Variants in EPHB1 observed in about 807,000 individuals in gnomAD.
EPHB1 encodes ephrin type-B receptor 1.
Under a neutral mutation model 94.4 loss-of-function variants are expected in EPHB1, and 30 were observed. The observed-to-expected ratio is 0.32, with a 90% CI of 0.24 to 0.43. The LOEUF is 0.43. Among genes scored for constraint, EPHB1 ranks in the 20% least tolerant of loss-of-function variants. The probability of loss-of-function intolerance (pLI) is 1.00; values close to 1 mark genes in which losing one functional copy is unlikely to be tolerated. For synonymous variants in EPHB1, 522 were observed against 489.1 expected (o/e 1.07, Z -0.89); for missense variants, 1,055 against 1,308.3 (o/e 0.81, Z 2.99).
intron 3 of EPHB1, among the ~76,000 whole-genome samples, chr3:135,079,484 C>A (rs1190557159): frequency 6.6e-6 from 1 of 152,194 alleles, no homozygotes; most frequent in Non-Finnish European, 1.5e-5. Flanking sequence ...GCTGTTGCTG[C>A]CACAGATCCC....
At chr3:134,901,661 GA>G (rs780227093) in intron 1 of EPHB1, among the ~76,000 whole-genome samples, 8 of 152,352 alleles carry the variant, frequency 5.3e-5, no homozygotes, top group Middle Eastern at 3.4e-3. Flanking sequence ...TCATCCAGGG[GA>G]AAGGAATGGT....
intron 3 of EPHB1, among the ~76,000 whole-genome samples, chr3:134,979,408 A>C (rs1934321424): frequency 6.6e-6 from 1 of 152,158 alleles, no homozygotes; most frequent in Admixed American, 6.5e-5. Context: ...GTGCCTGTGT[A>C]TGTTTGTGTA....
rs535744112 is a variant in EPHB1 at position 134,994,164 on chromosome 3, A to G, written c.805+42112A>G. Among the ~76,000 whole-genome samples, 169 of 152,290 alleles carry G rather than the reference A, an allele frequency of 1.1e-3. 1 individual carries two copies. Among genetic ancestry groups the G allele is most frequent in the Non-Finnish European group, 7.3e-5 (5 of 68,034 alleles). Reference sequence around the variant, plus strand: ...TCTTTGTGGGGTGGAGTGGGAAAGGATGTTTATCATTTTATTTATTGTTTT... The same window carrying G: ...TCTTTGTGGGGTGGAGTGGGAAAGGGTGTTTATCATTTTATTTATTGTTTT... On this transcript the variant is annotated intron_variant, in intron 3 of 15. Transcript: ENST00000398015.
chr3:134,867,255 T>C (rs1295927053), intron 1 of EPHB1, among the ~76,000 whole-genome samples: 2 of 152,222 alleles, frequency 1.3e-5, no homozygotes, highest in Non-Finnish European at 2.9e-5. Flanking sequence ...TCAAAAACAC[T>C]ATGTGTGGAT....
intron 2 of EPHB1, among the ~76,000 whole-genome samples, chr3:134,938,105 G>C (rs2039044380): frequency 6.6e-6 from 1 of 152,104 alleles, no homozygotes; most frequent in African/African-American, 2.4e-5. Flanking sequence ...CAGAGACAGA[G>C]AGAAACAGTG....
Position 134,957,697 on chromosome 3 carries a change from C to T in EPHB1, c.805+5645C>T, listed in dbSNP as rs561917937. ...AACAAACATCCCTGCAGCTAGCCAG[C>T]ACCAGCTGGGTCCCTAGGTACTGTC... On this transcript the variant is annotated intron_variant, in intron 3 of 15. Coordinates refer to ENST00000398015, the MANE Select transcript of EPHB1 (RefSeq NM_004441.5). Among the ~76,000 whole-genome samples, 91 of 152,294 alleles carry T rather than the reference C, an allele frequency of 6.0e-4. No homozygotes were observed. The Middle Eastern group carries it at 0.01, about 17-fold the overall frequency.
At chr3:134,807,524 T>TGTGTGTGTGC (rs57008366) in intron 1 of EPHB1, among the ~76,000 whole-genome samples, 1 of 130,316 alleles carries the variant, frequency 7.7e-6, no homozygotes, top group African/African-American at 3.0e-5. Context: ...TGTGTGTGTG[T>TGTGTGTGTGC]GCACGTGTGT....
chr3:134,948,220 G>A (rs1267942594), intron 2 of EPHB1, among the ~76,000 whole-genome samples: 1 of 152,014 alleles, frequency 6.6e-6, no homozygotes, highest in Non-Finnish European at 1.5e-5. Context: ...CACTCTAAAT[G>A]GGGTCACATG....
intron 3 of EPHB1, among the ~76,000 whole-genome samples, chr3:135,083,931 G>C (rs1196728051): frequency 6.6e-6 from 1 of 152,088 alleles, no homozygotes; most frequent in Non-Finnish European, 1.5e-5. Flanking sequence ...CCCTTCCCAG[G>C]AGCAGGTGAT....
intron 12 of EPHB1, among the ~76,000 whole-genome samples, chr3:135,226,142 G>C (rs192817125): frequency 1.3e-5 from 2 of 152,338 alleles, no homozygotes; most frequent in Admixed American, 1.3e-4. Flanking sequence ...AATGAGGATT[G>C]GGGACAGCTG....
chr3:135,259,210 A>G lies in EPHB1; in HGVS notation c.*90A>G, dbSNP rs951567752. ...GACCACTGTGGAATGTACTGGAGAGACTGGCTTCTCAGCTGAGGAATGCAT... is the reference window on the plus strand; with the variant it reads ...GACCACTGTGGAATGTACTGGAGAGGCTGGCTTCTCAGCTGAGGAATGCAT... On this transcript the variant is annotated 3_prime_UTR_variant, in exon 16 of 16. Coordinates refer to ENST00000398015, the MANE Select transcript of EPHB1 (RefSeq NM_004441.5). 5 of 996,010 alleles carry G rather than the reference A, an allele frequency of 5.0e-6. No homozygotes were observed. Among genetic ancestry groups the G allele is most frequent in the Non-Finnish European group, 7.5e-6 (5 of 668,212 alleles). 61.7% of individuals were successfully genotyped at this position (996,010 alleles called of 1,614,324 possible). A position where few individuals can be genotyped will look rare whatever the true frequency, so the allele number is the denominator to read the frequency against.
chr3:135,038,704 C>G (rs1179908097), intron 3 of EPHB1, among the ~76,000 whole-genome samples: 2 of 152,108 alleles, frequency 1.3e-5, no homozygotes, highest in Non-Finnish European at 2.9e-5. Context: ...GGTTCGTGGT[C>G]TCGCTGGCTC....
intron 10 of EPHB1, among the ~76,000 whole-genome samples, chr3:135,182,947 G>C (rs1041648118): frequency 5.3e-5 from 8 of 151,202 alleles, no homozygotes; most frequent in Non-Finnish European, 1.0e-4. Context: ...CCTGCCCTCT[G>C]TTTGTTCTTT....
At chr3:134,886,824 A>G (rs1156726057) in intron 1 of EPHB1, among the ~76,000 whole-genome samples, 1 of 152,150 alleles carries the variant, frequency 6.6e-6, no homozygotes, top group Non-Finnish European at 1.5e-5. Context: ...TTTCGTATCC[A>G]AAGTCACACA....
intron 3 of EPHB1, among the ~76,000 whole-genome samples, chr3:134,970,189 T>A (rs952503297): frequency 1.3e-5 from 2 of 152,238 alleles, no homozygotes; most frequent in African/African-American, 4.8e-5. Flanking sequence ...GTTCAATAAT[T>A]CTTTGCCTAA....
intron 1 of EPHB1, among the ~76,000 whole-genome samples, chr3:134,828,782 G>A (rs968422951): frequency 9.2e-5 from 14 of 152,218 alleles, no homozygotes; most frequent in African/African-American, 2.9e-4. Flanking sequence ...TCCTGGGCAT[G>A]TATGGGCACC....
intron 1 of EPHB1, among the ~76,000 whole-genome samples, chr3:134,853,460 GGA>G (rs747085769): frequency 1.3e-5 from 2 of 152,212 alleles, no homozygotes; most frequent in Non-Finnish European, 2.9e-5. Context: ...GCAGGAAGAA[GGA>G]GAGAGAGAGT....
At chr3:135,089,149 A>G (rs572550442) in intron 3 of EPHB1, among the ~76,000 whole-genome samples, 1 of 152,332 alleles carries the variant, frequency 6.6e-6, no homozygotes, top group African/African-American at 2.4e-5. Flanking sequence ...GTTATACACA[A>G]TAGTTTTTGT....
In EPHB1 at chr3:134,991,380, C is replaced by T. The variant is rs187469335; in HGVS notation, c.805+39328C>T. Among the ~76,000 whole-genome samples the T allele has an allele frequency of 9.1e-4, 139 of 152,296 alleles. 3 individuals are homozygous for T. The East Asian group carries it at 0.024, about 26-fold the overall frequency. On this transcript the variant is annotated intron_variant, in intron 3 of 15. Transcript: ENST00000398015. ...TCTCTCTTAGACTTTGTTAAATACT[C>T]GCAACCAGGGCTGGTCTTCCTTGGT...
Sources: allele counts gnomAD v4.1 joint callset (sites outside exome capture counted in the v4.1 genomes callset), GRCh38; gene constraint gnomAD v4.1.1; transcripts MANE v1.5; gene names NCBI Gene and HGNC (gene_info 2026-07-23, HGNC 2026-07-21).